Variants in CC2D2A observed in about 807,000 individuals in gnomAD.
CC2D2A encodes coiled-coil and C2 domain-containing protein 2A.
Under a neutral mutation model 212.9 loss-of-function variants are expected in CC2D2A, and 155 were observed. That is an observed-to-expected ratio of 0.73 (90% CI 0.64 to 0.83). The LOEUF (loss-of-function observed/expected upper bound fraction) is 0.83. Ranked by LOEUF, CC2D2A falls within the 40% of genes least tolerant of loss-of-function variation. The pLI, the probability that CC2D2A is intolerant of heterozygous loss-of-function variation, is 0.00. For synonymous variants in CC2D2A, 667 were observed against 686.5 expected (o/e 0.97, Z 0.44); for missense variants, 1,856 against 1,956.2 (o/e 0.95, Z 0.97).
At chr4:15,472,830 T>C (rs1713926844) in intron 1 of CC2D2A, among the ~76,000 whole-genome samples, 1 of 152,218 alleles carries the variant, frequency 6.6e-6, no homozygotes, top group African/African-American at 2.4e-5. Context: ...ATGAGGTTTG[T>C]AGAGAAGACA....
At chr4:15,553,377 G>A in intron 19 of CC2D2A, 72 bp downstream of exon 19, 3 of 1,494,748 alleles carry the variant, frequency 2.0e-6, no homozygotes, top group Non-Finnish European at 2.7e-6. Context: ...GGGAAAGAAA[G>A]CTTGCAGTAT....
chr4:15,477,849 G>A (rs1714330110), intron 2 of CC2D2A, among the ~76,000 whole-genome samples: 1 of 152,174 alleles, frequency 6.6e-6, no homozygotes, highest in Admixed American at 6.5e-5. Flanking sequence ...AGGAGTAATT[G>A]AGGTCTGGCC....
intron 17 of CC2D2A, among the ~76,000 whole-genome samples, chr4:15,543,314 G>A (rs529716138): frequency 1.3e-5 from 2 of 152,048 alleles, no homozygotes; most frequent in African/African-American, 4.8e-5. Context: ...TTAAATGTCT[G>A]TGTATTCTGA....
intron 20 of CC2D2A, among the ~76,000 whole-genome samples, chr4:15,557,024 C>T (rs1209961850): frequency 1.3e-5 from 2 of 152,182 alleles, no homozygotes; most frequent in Non-Finnish European, 2.9e-5. Context: ...CAAATCTCTC[C>T]TTTTTCAGTC....
intron 30 of CC2D2A, among the ~76,000 whole-genome samples, chr4:15,581,084 C>T (rs1214860748): frequency 3.3e-5 from 5 of 152,010 alleles, no homozygotes; most frequent in African/African-American, 1.2e-4. Context: ...CCATAACTGC[C>T]TTTGGAGAGT....
rs1300108733 is a variant in CC2D2A, at chr4:15,515,930, T to C, written c.943T>C (p.Tyr315His). The change falls in exon 10 of 37, where the codon TAC (tyrosine) becomes CAC (histidine). Residue 315 changes from tyrosine to histidine, a missense_variant. This residue lies in a region of CC2D2A where 1,512 missense variants were observed against 1,579.3 expected (regional missense o/e 0.96). Transcript: ENST00000424120. Reference protein sequence around the residue: ...QPRFLEDEGLYTGVRPEVART... With the variant: ...QPRFLEDEGLHTGVRPEVART... The stretch of plus-strand genomic sequence containing the variant: ...CAGGTTCCTGGAAGATGAAGGCCTT[T>C]ACACCGGGGTAAGACCAGAGGTGGC... The C allele has an allele frequency of 1.3e-6, 2 of 1,564,300 alleles. No homozygotes were observed. The highest frequency in any genetic ancestry group is 1.7e-6 in the Non-Finnish European group (2 of 1,154,140).
chr4:15,554,665 G>T (rs1719188355), intron 19 of CC2D2A, among the ~76,000 whole-genome samples: 1 of 152,182 alleles, frequency 6.6e-6, no homozygotes, highest in Non-Finnish European at 1.5e-5. Flanking sequence ...GACAGAGCAA[G>T]ACTGTCTCAA....
chr4:15,563,658 G>A (rs1201346710), intron 24 of CC2D2A, 136 bp downstream of exon 24: 6 of 863,910 alleles, frequency 6.9e-6, no homozygotes, highest in Non-Finnish European at 9.0e-6. Flanking sequence ...GCAAAGCCAA[G>A]GCCCTACTGT....
At chr4:15,568,834 T>C (rs1720022638) in intron 26 of CC2D2A, among the ~76,000 whole-genome samples, 1 of 152,034 alleles carries the variant, frequency 6.6e-6, no homozygotes, top group Admixed American at 6.6e-5. Context: ...AAAAGGTGAG[T>C]GTGAGGCAGG....
chr4:15,473,597 A>G (rs1005592190), intron 1 of CC2D2A, among the ~76,000 whole-genome samples: 3 of 152,188 alleles, frequency 2.0e-5, no homozygotes, highest in Non-Finnish European at 4.4e-5. Flanking sequence ...GAGTGAAGCA[A>G]TGTGATTATG....
intron 33 of CC2D2A, among the ~76,000 whole-genome samples, chr4:15,591,508 C>T (rs563346432): frequency 4.6e-5 from 7 of 152,244 alleles, no homozygotes; most frequent in African/African-American, 1.7e-4. Context: ...CGTGAGCCAC[C>T]GTGCCCAGCC....
intron 4 of CC2D2A, among the ~76,000 whole-genome samples, chr4:15,501,273 T>G (rs1202010143): frequency 6.6e-6 from 1 of 152,138 alleles, no homozygotes; most frequent in Non-Finnish European, 1.5e-5. Flanking sequence ...CTAGGCTCTA[T>G]TGTATTTTCC....
intron 19 of CC2D2A, among the ~76,000 whole-genome samples, chr4:15,554,839 A>T (rs765358260): frequency 3.3e-5 from 5 of 152,244 alleles, no homozygotes; most frequent in Non-Finnish European, 7.3e-5. Flanking sequence ...TGCACTGGAC[A>T]GAGTTGTAGG....
At chr4:15,491,126 G>C (rs4698389) in intron 4 of CC2D2A, among the ~76,000 whole-genome samples, 10,883 of 152,142 alleles carry the variant, frequency 0.072, 763 homozygotes, top group East Asian at 0.27. Context: ...TAGAATCTCT[G>C]AGTCATATGA....
chr4:15,576,159 G>C (rs1370794281), intron 29 of CC2D2A, among the ~76,000 whole-genome samples: 2 of 152,158 alleles, frequency 1.3e-5, no homozygotes, highest in African/African-American at 4.8e-5. Flanking sequence ...TCTAAAATGA[G>C]GGCTTAAAAA....
In CC2D2A at chr4:15,480,744, C is replaced by T. The variant is rs1342891431; in HGVS notation, c.164C>T (p.Ser55Phe). Reference sequence around the variant, plus strand: ...CCCAAGGAAATGGTGTCCGAAAAATCCCACCTTGGCAACCCCCAGGAGCCT... The same window carrying T: ...CCCAAGGAAATGGTGTCCGAAAAATTCCACCTTGGCAACCCCCAGGAGCCT... ...AVPKEMVSEK[S>F]HLGNPQEPVQ... The change falls in exon 4 of 37, where the codon TCC becomes TTC. Residue 55 changes from serine (S) to phenylalanine (F), a missense_variant. By Grantham distance (155) the Ser-to-Phe change is radical (BLOSUM62 -2). Around this residue, in one of 5 missense-constraint regions of CC2D2A, gnomAD observed 1,512 missense variants for 1,579.3 expected, o/e 0.96. Transcript: ENST00000424120. The T allele has an allele frequency of 6.2e-7, 1 of 1,612,238 alleles. No homozygotes were observed. The highest frequency in any genetic ancestry group is 8.5e-7 in the Non-Finnish European group (1 of 1,179,300).
At chr4:15,527,132 A>G (rs1361280072) in intron 11 of CC2D2A, among the ~76,000 whole-genome samples, 1 of 152,236 alleles carries the variant, frequency 6.6e-6, no homozygotes, top group African/African-American at 2.4e-5. Context: ...ACAAAACCCA[A>G]GATTCCAAGA....
At chr4:15,487,831 A>G (rs4063953) in intron 4 of CC2D2A, among the ~76,000 whole-genome samples, 68,356 of 148,838 alleles carry the variant, frequency 0.46, 16,366 homozygotes, top group African/African-American at 0.58. Flanking sequence ...TTGCTCTGTG[A>G]TTACCATGAA....
At chr4:15,573,894 T>C (rs1348779058) in intron 28 of CC2D2A, among the ~76,000 whole-genome samples, 4 of 152,194 alleles carry the variant, frequency 2.6e-5, no homozygotes, top group Admixed American at 6.5e-5. Flanking sequence ...CAAAACTGCG[T>C]TTAAACCAAG....
Sources: allele counts gnomAD v4.1 joint callset (sites outside exome capture counted in the v4.1 genomes callset), GRCh38; gene constraint gnomAD v4.1.1; regional missense constraint gnomAD v4.1.1; transcripts MANE v1.5; gene names NCBI Gene and HGNC (gene_info 2026-07-23, HGNC 2026-07-21).